TTLL7: variants seen among roughly 807,000 people sequenced by gnomAD.
The protein encoded by TTLL7 is tubulin polyglutamylase TTLL7.
Under a neutral mutation model 120.2 loss-of-function variants are expected in TTLL7, and 53 were observed. The ratio of observed to expected loss-of-function variants is 0.44; its 90% CI spans 0.35 to 0.55. The LOEUF (loss-of-function observed/expected upper bound fraction) is 0.55. Among genes scored for constraint, TTLL7 ranks in the 20% least tolerant of loss-of-function variants. The probability of loss-of-function intolerance (pLI) is 0.00; values close to 1 mark genes in which losing one functional copy is unlikely to be tolerated. For synonymous variants in TTLL7, 353 were observed against 351.7 expected, an observed-to-expected ratio of 1.00 and a Z score of -0.04; for missense variants, 803 against 1,054.7, an observed-to-expected ratio of 0.76 and a Z score of 3.31.
At chr1:83,916,568 C>G (rs1658206106) in intron 14 of TTLL7, among the ~76,000 whole-genome samples, 1 of 151,670 alleles carries the variant, frequency 6.6e-6, no homozygotes, top group Non-Finnish European at 1.5e-5. Flanking sequence ...TGCAGCACAC[C>G]AACATGGCAC....
chr1:83,867,695 T>A lies in TTLL7; in HGVS notation c.*2267A>T, dbSNP rs1021136404. The A allele has an allele frequency of 6.6e-6, 1 of 152,002 alleles. No homozygotes were observed. The highest frequency in any genetic ancestry group is 1.5e-5 in the Non-Finnish European group (1 of 67,920). The allele number at this position is 152,002 out of a possible 1,614,324, so 9.4% of individuals were successfully genotyped here. A position where few individuals can be genotyped will look rare whatever the true frequency, so the allele number is the denominator to read the frequency against. ...TGTGATTTAAGATAATGCAAATGAGTGGCCGAGAAACTGGGCTGTTATCAT... is the reference window on the plus strand; with the variant it reads ...TGTGATTTAAGATAATGCAAATGAGAGGCCGAGAAACTGGGCTGTTATCAT... On this transcript the variant is annotated 3_prime_UTR_variant, in exon 21 of 21. Coordinates refer to ENST00000260505, the MANE Select transcript of TTLL7 (RefSeq NM_024686.6).
At chr1:83,947,343 T>G in intron 5 of TTLL7, 61 bp from the exon 6 acceptor site, 1 of 1,428,932 alleles carries the variant, frequency 7.0e-7, no homozygotes, top group Non-Finnish European at 9.5e-7. Flanking sequence ...ATTTTCTTTC[T>G]CTGGGCTACT....
intron 1 of TTLL7, among the ~76,000 whole-genome samples, chr1:83,977,597 C>T (rs980820680): frequency 3.9e-5 from 6 of 152,130 alleles, no homozygotes; most frequent in East Asian, 1.9e-4. Flanking sequence ...TCTAATTCAT[C>T]TCAGGAAGAG....
intron 1 of TTLL7, among the ~76,000 whole-genome samples, chr1:83,969,902 C>T (rs961888700): frequency 2.0e-5 from 3 of 151,830 alleles, no homozygotes; most frequent in African/African-American, 4.8e-5. Flanking sequence ...ATGTATTTTA[C>T]CATGAAAGAA....
Position 83,870,045 on chromosome 1 carries a change from T to C in TTLL7, c.2581A>G (p.Thr861Ala). 6.3e-7 allele frequency: 1 copy of C among 1,582,530 alleles called. No individual in the cohort carries two copies. Among genetic ancestry groups the C allele is most frequent in the Non-Finnish European group, 8.6e-7 (1 of 1,168,996 alleles). Residue 861 changes from threonine to alanine, a missense_variant, in exon 21 of 21, where the codon ACA (threonine) becomes GCA (alanine). Around this residue, in one of 3 missense-constraint regions of TTLL7, gnomAD observed 388 missense variants for 450.4 expected, o/e 0.86. Transcript: ENST00000260505. ...TTGTACTTCAAGTTGTAGGTTGGTG[T>C]TCTCAAGAAGAATTGGGTGCTCCCT... ...LPGSTQFFLRTPTYNLKYNSP... is the reference protein window; with the variant it reads ...LPGSTQFFLRAPTYNLKYNSP...
At chr1:83,874,864 G>A (rs971406098) in intron 20 of TTLL7, among the ~76,000 whole-genome samples, 6 of 151,908 alleles carry the variant, frequency 3.9e-5, no homozygotes, top group South Asian at 4.2e-4. Flanking sequence ...ATGAAATAGC[G>A]TACATGAATG....
Position 83,911,080 on chromosome 1 carries a change from T to C in TTLL7, c.1786+85A>G, listed in dbSNP as rs1056289007. 5.2e-6 allele frequency: 6 copies of C among 1,147,180 alleles called. No individual in the cohort carries two copies. The African/African-American group carries it at 7.7e-5, about 15-fold the overall frequency. The allele number at this position is 1,147,180 out of a possible 1,614,324, so 71.1% of individuals were successfully genotyped here. A position where few individuals can be genotyped will look rare whatever the true frequency, so the allele number is the denominator to read the frequency against. On this transcript the variant is annotated intron_variant, in intron 15 of 20. Transcript: ENST00000260505. ...TCTCCTCACACACAACAGGGTTCATTTGGCCCAAGGACCTTTTACTGAGTT... is the reference window on the plus strand; with the variant it reads ...TCTCCTCACACACAACAGGGTTCATCTGGCCCAAGGACCTTTTACTGAGTT...
intron 7 of TTLL7, among the ~76,000 whole-genome samples, chr1:83,941,504 AT>A (rs1354692986): frequency 2.6e-5 from 4 of 152,122 alleles, no homozygotes; most frequent in Non-Finnish European, 5.9e-5. Context: ...GGTTTACAAC[AT>A]TTTTCATTTT....
chr1:83,875,327 T>C (rs184667704), intron 20 of TTLL7, among the ~76,000 whole-genome samples: 40 of 152,132 alleles, frequency 2.6e-4, no homozygotes, highest in Admixed American at 1.6e-3. Context: ...TGCTTAACTT[T>C]ATGTTTGAAA....
At chr1:83,896,245 A>G (rs780344635) in intron 18 of TTLL7, among the ~76,000 whole-genome samples, 3 of 152,086 alleles carry the variant, frequency 2.0e-5, no homozygotes, top group Admixed American at 6.6e-5. Context: ...TTACATTATG[A>G]CTTTTAAAAG....
intron 1 of TTLL7, among the ~76,000 whole-genome samples, chr1:83,986,260 A>G (rs1166036676): frequency 2.5e-4 from 38 of 152,234 alleles, no homozygotes; most frequent in Non-Finnish European, 1.6e-4. Context: ...ATGTATAAGT[A>G]TGTGCTGTCA....
At chr1:83,944,190 A>T (rs1008036942) in intron 6 of TTLL7, among the ~76,000 whole-genome samples, 7 of 152,134 alleles carry the variant, frequency 4.6e-5, no homozygotes, top group African/African-American at 1.7e-4. Flanking sequence ...CACACACATA[A>T]CAGGAGTCTC....
chr1:83,939,922 T>C (rs1011846852), intron 7 of TTLL7, among the ~76,000 whole-genome samples: 15 of 152,180 alleles, frequency 9.9e-5, no homozygotes, highest in African/African-American at 3.6e-4. Flanking sequence ...CAGTCTTTTT[T>C]CTAAACTTAC....
At chr1:83,927,297 C>A (rs987618388) in intron 10 of TTLL7, among the ~76,000 whole-genome samples, 13 of 152,080 alleles carry the variant, frequency 8.5e-5, no homozygotes, top group African/African-American at 1.4e-4. Flanking sequence ...CAGCTGTGCC[C>A]AGGTAAAACA....
intron 20 of TTLL7, among the ~76,000 whole-genome samples, chr1:83,873,685 G>C (rs1022401974): frequency 5.3e-5 from 8 of 152,050 alleles, no homozygotes; most frequent in Non-Finnish European, 4.4e-5. Flanking sequence ...CAAACATAGA[G>C]CCTGCATTTA....
chr1:83,892,695 CAT>C (rs1156834515), intron 18 of TTLL7, among the ~76,000 whole-genome samples: 5 of 145,368 alleles, frequency 3.4e-5, no homozygotes, highest in East Asian at 2.1e-4. Context: ...TATATATGAA[CAT>C]ATATATGAAC....
At chr1:83,967,957 A>T (rs1220486778) in intron 1 of TTLL7, among the ~76,000 whole-genome samples, 1 of 152,032 alleles carries the variant, frequency 6.6e-6, no homozygotes. Flanking sequence ...TTTATTCAAG[A>T]AAAACTATTG....
At position 83,952,232 on chromosome 1, in the gene TTLL7, A is replaced by T. The variant is rs1407469365; in HGVS notation, c.-21T>A. The T allele has an allele frequency of 6.2e-7, 1 of 1,613,872 alleles. No homozygotes were observed. The highest frequency in any genetic ancestry group is 1.3e-5 in the African/African-American group (1 of 75,046). ...GGCATTATTGCCTGTGCTGATTAGC[A>T]AGCAGTGTGTGCTGCTGTACCAAGC... On this transcript the variant is annotated 5_prime_UTR_variant, in exon 2 of 21. Coordinates refer to ENST00000260505, the MANE Select transcript of TTLL7 (RefSeq NM_024686.6).
intron 18 of TTLL7, among the ~76,000 whole-genome samples, chr1:83,892,427 AAC>A (rs1655651848): frequency 7.2e-6 from 1 of 138,688 alleles, no homozygotes; most frequent in Non-Finnish European, 1.6e-5. Flanking sequence ...CATATATATG[AAC>A]ATATATATGA....
Sources: gnomAD v4.1 joint callset for allele counts (sites outside exome capture counted in the v4.1 genomes callset) on GRCh38, gnomAD v4.1.1 for gene constraint, gnomAD v4.1.1 regional missense constraint, MANE v1.5 for transcripts, NCBI Gene and HGNC (gene_info 2026-07-23, HGNC 2026-07-21) for gene names.